Variants in SH3PXD2A observed in about 807,000 individuals in gnomAD.
The protein encoded by SH3PXD2A is SH3 and PX domain-containing protein 2A.
Under a neutral mutation model 115.2 loss-of-function variants are expected in SH3PXD2A, and 32 were observed. That is an observed-to-expected ratio of 0.28 (90% CI 0.21 to 0.37). SH3PXD2A has a LOEUF of 0.37. SH3PXD2A is among the 10% of genes least tolerant of loss of function. The pLI, the probability that SH3PXD2A is intolerant of heterozygous loss-of-function variation, is 1.00. For missense variants in SH3PXD2A, 1,328 were observed against 1,498.7 expected, an observed-to-expected ratio of 0.89 and a Z score of 1.88; for synonymous variants, 610 against 629.1, an observed-to-expected ratio of 0.97 and a Z score of 0.45.
intron 5 of SH3PXD2A, among the ~76,000 whole-genome samples, chr10:103,705,967 C>G (rs182875385): frequency 8.0e-5 from 12 of 150,882 alleles, no homozygotes; most frequent in Admixed American, 7.3e-4. Context: ...CCACTGCACT[C>G]CAGCCTGGGT....
intron 1 of SH3PXD2A, among the ~76,000 whole-genome samples, chr10:103,853,076 C>A (rs181224770): frequency 2.0e-5 from 3 of 152,280 alleles, no homozygotes; most frequent in South Asian, 2.1e-4. Context: ...CTCTGCATGG[C>A]CCCATCTGTT....
intron 7 of SH3PXD2A, chr10:103,661,720 G>A: frequency 1.0e-6 from 1 of 985,372 alleles, no homozygotes; most frequent in South Asian, 4.7e-5. Context: ...CCCAGGCCCA[G>A]GCGAGGAGTC....
intron 6 of SH3PXD2A, among the ~76,000 whole-genome samples, chr10:103,674,868 A>T (rs901827259): frequency 1.3e-5 from 2 of 152,130 alleles, no homozygotes; most frequent in African/African-American, 2.4e-5. Context: ...AAAACAAAAC[A>T]AAAAAACAAA....
At chr10:103,673,891 C>T (rs1323953140) in intron 6 of SH3PXD2A, among the ~76,000 whole-genome samples, 12 of 152,222 alleles carry the variant, frequency 7.9e-5, no homozygotes, top group Admixed American at 7.8e-4. Context: ...TCCACATCCC[C>T]ACCCTGGGCT....
intron 4 of SH3PXD2A, among the ~76,000 whole-genome samples, chr10:103,725,005 A>G (rs1366280448): frequency 6.6e-6 from 1 of 152,170 alleles, no homozygotes; most frequent in Non-Finnish European, 1.5e-5. Context: ...ACTGACCACA[A>G]AATTAATTAT....
At chr10:103,815,514 C>G (rs2039315363) in intron 1 of SH3PXD2A, among the ~76,000 whole-genome samples, 1 of 150,310 alleles carries the variant, frequency 6.7e-6, no homozygotes, top group African/African-American at 2.4e-5. Context: ...TATTATTCAA[C>G]TTTAACAAAA....
chr10:103,624,966 C>T (rs749077537), intron 9 of SH3PXD2A, among the ~76,000 whole-genome samples: 9 of 152,278 alleles, frequency 5.9e-5, no homozygotes, highest in East Asian at 1.9e-4. Context: ...CTGTCAGAGG[C>T]GTGCGCAGGA....
rs556262341 is a variant in SH3PXD2A, at chr10:103,624,807, A to G, written c.719-2254T>C. On this transcript the variant is annotated intron_variant, in intron 9 of 14. Transcript: ENST00000369774. ...TGGCCATGTGGCTGCAGGTGCAGAGAGACTAGCGGACACACCACAGCAGCT... is the reference window on the plus strand; with the variant it reads ...TGGCCATGTGGCTGCAGGTGCAGAGGGACTAGCGGACACACCACAGCAGCT... Among the ~76,000 whole-genome samples, 296 of 152,198 alleles carry G rather than the reference A, an allele frequency of 1.9e-3. 2 individuals carry two copies. Among genetic ancestry groups the G allele is most frequent in the South Asian group, 0.014 (68 of 4,808 alleles).
At chr10:103,815,031 G>T (rs2039310334) in intron 1 of SH3PXD2A, among the ~76,000 whole-genome samples, 2 of 152,114 alleles carry the variant, frequency 1.3e-5, no homozygotes, top group Admixed American at 1.3e-4. Flanking sequence ...AAAATGAGAA[G>T]GACCTCAGAT....
intron 2 of SH3PXD2A, among the ~76,000 whole-genome samples, chr10:103,796,176 C>A (rs993071976): frequency 7.3e-5 from 11 of 151,434 alleles, no homozygotes; most frequent in African/African-American, 2.4e-4. Flanking sequence ...CTGGGCAACA[C>A]AGTGGGACCC....
At position 103,688,944 on chromosome 10, in the gene SH3PXD2A, G is replaced by T. The variant is rs117143401; in HGVS notation, c.427+4084C>A. On this transcript the variant is annotated intron_variant, in intron 6 of 14. Coordinates refer to ENST00000369774, the MANE Select transcript of SH3PXD2A (RefSeq NM_001394015.1). ...TGCAGTGGCACAATTATGCCTCACT[G>T]CAACCTCAAACTTCTGGGTTCAAGT... Among the ~76,000 whole-genome samples the T allele has an allele frequency of 8.1e-3, 1,237 of 152,158 alleles. 10 individuals are homozygous for T. The highest frequency in any genetic ancestry group is 0.016 in the South Asian group (78 of 4,816).
chr10:103,646,860 C>T lies in SH3PXD2A; in HGVS notation c.604+14123G>A, dbSNP rs190622959. On this transcript the variant is annotated intron_variant, in intron 8 of 14. Coordinates refer to ENST00000369774, the MANE Select transcript of SH3PXD2A (RefSeq NM_001394015.1). ...CTCTGAATAAGGCCCAGCCTTTGAT[C>T]AATATTCTACCACTGTTTAACAGGA... Among the ~76,000 whole-genome samples the T allele has an allele frequency of 1.2e-3, 176 of 152,276 alleles. 2 individuals carry two copies. Among genetic ancestry groups the T allele is most frequent in the African/African-American group, 4.1e-3 (171 of 41,554 alleles).
rs2133905873 is a variant in SH3PXD2A, at chr10:103,602,342, T to C, written c.2876A>G (p.Lys959Arg). 6.2e-7 allele frequency: 1 copy of C among 1,613,646 alleles called. No homozygotes were observed. The highest frequency in any genetic ancestry group is 8.5e-7 in the Non-Finnish European group (1 of 1,179,862). The change falls in exon 15 of 15, where the codon AAG becomes AGG. Residue 959 changes from lysine to arginine, a missense_variant. Coordinates refer to ENST00000369774, the MANE Select transcript of SH3PXD2A (RefSeq NM_001394015.1). ...CTTCACCGCTGGAGTGCCTGAGGTC[T>C]TGCCGAAGCCCCCGGGAGGTTTGGA... ...IPSKPPGGFG[K>R]TSGTPAVKMR... is the part of the protein sequence containing the mutation.
chr10:103,722,729 C>T (rs1023766531), intron 5 of SH3PXD2A, among the ~76,000 whole-genome samples: 1 of 152,006 alleles, frequency 6.6e-6, no homozygotes, highest in African/African-American at 2.4e-5. Flanking sequence ...GAGGGATCTG[C>T]CTGGACATTA....
At chr10:103,710,899 G>C (rs188718206) in intron 5 of SH3PXD2A, among the ~76,000 whole-genome samples, 1 of 152,084 alleles carries the variant, frequency 6.6e-6, no homozygotes, top group African/African-American at 2.4e-5. Flanking sequence ...AGTGGGGCAC[G>C]GTGGCATGTG....
At chr10:103,776,425 CGTGTGTGTGTCTGTGTGTGTGT>C (rs1234152789) in intron 2 of SH3PXD2A, among the ~76,000 whole-genome samples, 2 of 112,118 alleles carry the variant, frequency 1.8e-5, no homozygotes, top group Non-Finnish European at 3.6e-5. Context: ...TGTGTGCATG[CGTGTGTGTGTCTGTGTGTGTGT>C]GTGTGTGTGT....
chr10:103,777,878 T>C (rs2038895264), intron 2 of SH3PXD2A, among the ~76,000 whole-genome samples: 1 of 152,182 alleles, frequency 6.6e-6, no homozygotes, highest in Non-Finnish European at 1.5e-5. Flanking sequence ...TGGACCTGCC[T>C]GTCTCCACAC....
intron 1 of SH3PXD2A, among the ~76,000 whole-genome samples, chr10:103,854,978 A>C (rs1427551796): frequency 8.5e-5 from 13 of 152,108 alleles, no homozygotes; most frequent in Admixed American, 6.5e-4. Context: ...GCCAATTCCA[A>C]TGCCAAAAAA....
intron 5 of SH3PXD2A, among the ~76,000 whole-genome samples, chr10:103,717,022 T>C (rs1299197696): frequency 6.6e-6 from 1 of 152,234 alleles, no homozygotes; most frequent in African/African-American, 2.4e-5. Flanking sequence ...TGTTTGGCAC[T>C]TTATGTGTGC....
Sources: gnomAD v4.1 joint callset for allele counts (sites outside exome capture counted in the v4.1 genomes callset) on GRCh38, gnomAD v4.1.1 for gene constraint, MANE v1.5 for transcripts, NCBI Gene and HGNC (gene_info 2026-07-23, HGNC 2026-07-21) for gene names.